Variants in SLC9A5 observed in about 807,000 individuals in gnomAD.
SLC9A5 encodes the protein sodium/hydrogen exchanger 5.
Under a neutral mutation model 91.7 loss-of-function variants are expected in SLC9A5, and 52 were observed. The observed-to-expected ratio is 0.57, with a 90% confidence interval of 0.45 to 0.71. The LOEUF is 0.71. Ranked by LOEUF, SLC9A5 falls within the 30% of genes least tolerant of loss-of-function variation. The pLI is 0.00. For missense variants in SLC9A5, 871 were observed against 1,158.9 expected, an observed-to-expected ratio of 0.75 and a Z score of 3.61; for synonymous variants, 419 against 474.5, an observed-to-expected ratio of 0.88 and a Z score of 1.52.
rs2035283316 is a variant in SLC9A5, at chr16:67,255,550, G to A, written c.733+79G>A. On this transcript the variant is annotated intron_variant, in intron 4 of 15. Coordinates refer to ENST00000299798, the MANE Select transcript of SLC9A5 (RefSeq NM_004594.3). This position sits in a 1 kb window ranked among gnomAD's most constrained non-coding sequence, Gnocchi z 4.9. ...CTGAGGCCCTCCCACCCCGCATCAG[G>A]ACAGAAGAGGCTATTCGGGTTGCCT... 6.9e-7 allele frequency: 1 copy of A among 1,445,654 alleles called. No homozygotes were observed. Among genetic ancestry groups the A allele is most frequent in the African/African-American group, 1.4e-5 (1 of 71,576 alleles). The allele number at this position is 1,445,654 out of a possible 1,614,324, so 89.6% of individuals were successfully genotyped here. A position where few individuals can be genotyped will look rare whatever the true frequency, so the allele number is the denominator to read the frequency against.
intron 2 of SLC9A5, among the ~76,000 whole-genome samples, chr16:67,253,331 T>C (rs1252292126): frequency 6.6e-6 from 1 of 152,204 alleles, no homozygotes; most frequent in African/African-American, 2.4e-5. Context: ...TAAATAGATA[T>C]TTAAAAAATA....
chr16:67,253,935 T>C (rs2035219996), intron 2 of SLC9A5, among the ~76,000 whole-genome samples: 1 of 152,226 alleles, frequency 6.6e-6, no homozygotes, highest in South Asian at 2.1e-4. Flanking sequence ...TTCACACTTT[T>C]TCCAAGGTAT....
Position 67,254,198 on chromosome 16 carries a change from G to A in SLC9A5, c.491-823G>A, listed in dbSNP as rs1020020019. ...GAAATTATATGACATATTCAAGTCC[G>A]ATCTGTGTTGCTTTTCTTACTATAT... On this transcript the variant is annotated intron_variant, in intron 2 of 15. Transcript: ENST00000299798. 3.9e-5 allele frequency among the ~76,000 whole-genome samples: 6 copies of A among 152,156 alleles called. No homozygotes were observed. The South Asian group carries it at 6.2e-4, about 16-fold the overall frequency.
intron 12 of SLC9A5, chr16:67,263,562 A>G (rs2035601470): frequency 6.6e-6 from 1 of 152,436 alleles, no homozygotes; most frequent in African/African-American, 2.4e-5. Context: ...AGGCAGGCAG[A>G]TCACTTGAGG....
At position 67,252,875 on chromosome 16, in the gene SLC9A5, G is replaced by C. The variant is rs1335750965; in HGVS notation, c.490+31G>C. 1 of 1,581,210 alleles carries C rather than the reference G, an allele frequency of 6.3e-7. No homozygotes were observed. Among genetic ancestry groups the C allele is most frequent in the Non-Finnish European group, 8.6e-7 (1 of 1,163,488 alleles). On this transcript the variant is annotated intron_variant, in intron 2 of 15. Coordinates refer to ENST00000299798, the MANE Select transcript of SLC9A5 (RefSeq NM_004594.3). This position sits in a 1 kb window ranked among gnomAD's most constrained non-coding sequence, Gnocchi z 4.0. ...TGACCCTAAGACCTGGGCTTTGCCA[G>C]ACCCATCACCCCTCTCCCTTCTCCT...
chr16:67,259,847 G>A lies in SLC9A5; in HGVS notation c.1743G>A (p.Leu581=), dbSNP rs1226310068. 52 of 1,614,038 alleles carry A rather than the reference G, an allele frequency of 3.2e-5. 2 individuals carry two copies. Among genetic ancestry groups the A allele is most frequent in the Non-Finnish European group, 4.3e-5 (51 of 1,180,024 alleles). Residue 581 remains leucine, a synonymous_variant, in exon 12 of 16, where the codon CTG becomes CTA. Transcript: ENST00000299798. ...LLRESGSGAC[L]DLQVIDTVRS... is the part of the protein sequence containing the mutation. ...GGGAGAGTGGCAGTGGAGCGTGTCT[G>A]GATCTGCAGGTGATTGACACAGTAC...
In SLC9A5 at chr16:67,252,083, G is replaced by T. The variant is rs994585457; in HGVS notation, c.188-459G>T. Among the ~76,000 whole-genome samples, 1 of 152,212 alleles carries T rather than the reference G, an allele frequency of 6.6e-6. No homozygotes were observed. The highest frequency in any genetic ancestry group is 2.1e-4 in the South Asian group (1 of 4,836). On this transcript the variant is annotated intron_variant, in intron 1 of 15. Transcript: ENST00000299798. This position sits in a 1 kb window ranked among gnomAD's most constrained non-coding sequence, Gnocchi z 4.0. Reference sequence around the variant, plus strand: ...CACTAAGAAACAGATGACTTTGACTGCAGGGGAGGGTTTGTAGCCCTGGAG... The same window carrying T: ...CACTAAGAAACAGATGACTTTGACTTCAGGGGAGGGTTTGTAGCCCTGGAG...
chr16:67,257,077 C>T lies in SLC9A5; in HGVS notation c.1299C>T (p.Thr433=). The change falls in exon 7 of 16, where the codon ACC becomes ACT. Residue 433 remains threonine (T), a synonymous_variant. Transcript: ENST00000299798. The surrounding 1 kb of genome is among the most constrained non-coding windows in gnomAD (Gnocchi z 5.1). ...CTGCCAAGGACTACTTTGTAGCCAC[C>T]ACTATTGTAGTGGTCTTCTTCACAG... is the stretch of plus-strand genomic sequence containing the variant. ...KVPAKDYFVA[T]TIVVVFFTVI... 2 of 1,612,594 alleles carry T rather than the reference C, an allele frequency of 1.2e-6. No homozygotes were observed. The highest frequency in any genetic ancestry group is 1.7e-6 in the Non-Finnish European group (2 of 1,180,010).
At position 67,264,478 on chromosome 16, in the gene SLC9A5, T is replaced by C. The variant is rs1412949721; in HGVS notation, c.1969T>C (p.Phe657Leu). 1 of 1,614,018 alleles carries C rather than the reference T, an allele frequency of 6.2e-7. No individual in the cohort carries two copies. The highest frequency in any genetic ancestry group is 8.5e-7 in the Non-Finnish European group (1 of 1,180,014). ...SFKSTKHNIC[F>L]TKSKPRPRKT... ...TAAGTCCACCAAGCACAACATCTGC[T>C]TCACCAAGAGCAAGCCACGACCCCG... The change falls in exon 13 of 16, where the codon TTC becomes CTC. Residue 657 changes from phenylalanine (F) to leucine (L), a missense_variant. Phe to Leu is a conservative substitution (Grantham distance 22, BLOSUM62 0). Coordinates refer to ENST00000299798, the MANE Select transcript of SLC9A5 (RefSeq NM_004594.3).
At position 67,255,502 on chromosome 16, in the gene SLC9A5, G is replaced by A; in HGVS notation, c.733+31G>A. On this transcript the variant is annotated intron_variant, in intron 4 of 15. Coordinates refer to ENST00000299798, the MANE Select transcript of SLC9A5 (RefSeq NM_004594.3). The surrounding 1 kb of genome is among the most constrained non-coding windows in gnomAD (Gnocchi z 4.9). The stretch of plus-strand genomic sequence containing the variant: ...TATTTCCCCGCTCCCAGCTGGCATT[G>A]GAGGTCTGCCTCCCCTGGGTTGCTG... 1 of 1,609,160 alleles carries A rather than the reference G, an allele frequency of 6.2e-7. No homozygotes were observed. Among genetic ancestry groups the A allele is most frequent in the Non-Finnish European group, 8.5e-7 (1 of 1,175,688 alleles).
At chr16:67,250,813 C>A (rs1368275693) in intron 1 of SLC9A5, among the ~76,000 whole-genome samples, 1 of 152,104 alleles carries the variant, frequency 6.6e-6, no homozygotes, top group Non-Finnish European at 1.5e-5. Flanking sequence ...CTCACAGAGG[C>A]TAATTTAGAG....
rs754370021 is a variant in SLC9A5, at chr16:67,257,035, G to A, written c.1257G>A (p.Leu419=). ...GAVAFALVIL[L]DRTKVPAKDY... ...TGGCCTTTGCTCTCGTCATCCTACT[G>A]GATAGGACCAAGGTCCCTGCCAAGG... Residue 419 remains leucine (L), a synonymous_variant, in exon 7 of 16, where the codon CTG becomes CTA. Transcript: ENST00000299798. The surrounding 1 kb of genome is among the most constrained non-coding windows in gnomAD (Gnocchi z 5.1). 4 of 1,613,826 alleles carry A rather than the reference G, an allele frequency of 2.5e-6. No individual in the cohort carries two copies. The highest frequency in any genetic ancestry group is 2.5e-6 in the Non-Finnish European group (3 of 1,180,032).
intron 10 of SLC9A5, among the ~76,000 whole-genome samples, chr16:67,259,322 T>G (rs1021256408): frequency 1.5e-5 from 2 of 130,634 alleles, no homozygotes; most frequent in Non-Finnish European, 3.1e-5. Flanking sequence ...CGAGATCGTG[T>G]CACTGCACTC....
At chr16:67,260,929 C>T (rs904186951) in intron 12 of SLC9A5, among the ~76,000 whole-genome samples, 1 of 152,212 alleles carries the variant, frequency 6.6e-6, no homozygotes, top group Non-Finnish European at 1.5e-5. Context: ...ACAGTCAAAG[C>T]TCTTTCTACT....
intron 15 of SLC9A5, among the ~76,000 whole-genome samples, chr16:67,268,727 G>A (rs1358689797): frequency 9.1e-6 from 1 of 109,616 alleles, no homozygotes; most frequent in Non-Finnish European, 1.8e-5. Flanking sequence ...CAGTAGGCTT[G>A]TCCAATGTCC....
chr16:67,266,318 C>A, intron 15 of SLC9A5, 93 bp downstream of exon 15: 1 of 1,268,078 alleles, frequency 7.9e-7, no homozygotes, highest in Non-Finnish European at 1.1e-6. Flanking sequence ...CTCCCTTTTC[C>A]TATTCACTAG....
chr16:67,265,182 G>A (rs879502136), intron 14 of SLC9A5, 76 bp downstream of exon 14: 1 of 1,423,164 alleles, frequency 7.0e-7, no homozygotes, highest in East Asian at 2.3e-5. Flanking sequence ...CAGAATCCTG[G>A]AGGACCCGCT....
Position 67,271,121 on chromosome 16 carries a change from C to A in SLC9A5, c.2602C>A (p.Leu868Ile). ...CCCCCAGCAGCAGGAGCTGCAGCCC[C>A]TCATGGGCCACAAGGACCACACCCA... is the stretch of plus-strand genomic sequence containing the variant. ...DLPQQQELQP[L>I]MGHKDHTHLS... The change falls in exon 16 of 16, where the codon CTC becomes ATC. Residue 868 changes from leucine (L) to isoleucine (I), a missense_variant. This residue lies in a region of SLC9A5 where 295 missense variants were observed against 326.0 expected (regional missense o/e 0.90). Coordinates refer to ENST00000299798, the MANE Select transcript of SLC9A5 (RefSeq NM_004594.3). 1 of 1,613,788 alleles carries A rather than the reference C, an allele frequency of 6.2e-7. No individual in the cohort carries two copies. Among genetic ancestry groups the A allele is most frequent in the South Asian group, 1.1e-5 (1 of 91,080 alleles).
chr16:67,265,444 A>G (rs2035666977), intron 14 of SLC9A5, among the ~76,000 whole-genome samples: 2 of 151,970 alleles, frequency 1.3e-5, no homozygotes, highest in Non-Finnish European at 2.9e-5. Context: ...TTTTTTTGAG[A>G]CAGAGTCTCA....
Sources: gnomAD v4.1 joint callset for allele counts (sites outside exome capture counted in the v4.1 genomes callset) on GRCh38, gnomAD v4.1.1 for gene constraint, gnomAD v4.1.1 regional missense constraint, Gnocchi (gnomAD v3.1) non-coding constraint, MANE v1.5 for transcripts, NCBI Gene and HGNC (gene_info 2026-07-23, HGNC 2026-07-21) for gene names.